The following PDE10A variants were observed in gnomAD, a reference collection of about 807,000 sequenced individuals.
PDE10A encodes the protein phosphodiesterase 10A.
Under a neutral mutation model 97.7 loss-of-function variants are expected in PDE10A, and 39 were observed. The ratio of observed to expected loss-of-function variants is 0.40; its 90% CI spans 0.31 to 0.52. The LOEUF (loss-of-function observed/expected upper bound fraction) is 0.52. Among genes scored for constraint, PDE10A ranks in the 20% least tolerant of loss-of-function variants. PDE10A has a pLI of 0.56. For missense variants in PDE10A, 731 were observed against 1,047.8 expected (o/e 0.70, Z 4.17); for synonymous variants, 371 against 376.8 (o/e 0.98, Z 0.18).
At chr6:165,649,300 C>G (rs917995869) in intron 1 of PDE10A, among the ~76,000 whole-genome samples, 11 of 152,144 alleles carry the variant, frequency 7.2e-5, no homozygotes, top group Admixed American at 1.3e-4. Context: ...ACAAAGAAAG[C>G]TGTCACCACT....
chr6:165,569,599 G>A (rs938649617), intron 1 of PDE10A, among the ~76,000 whole-genome samples: 16 of 152,030 alleles, frequency 1.1e-4, no homozygotes, highest in East Asian at 3.9e-4. Flanking sequence ...TCTTCCCTCC[G>A]TTCAAACTGC....
At chr6:165,627,886 C>T (rs540399009) in intron 1 of PDE10A, among the ~76,000 whole-genome samples, 1 of 152,180 alleles carries the variant, frequency 6.6e-6, no homozygotes, top group East Asian at 1.9e-4. Context: ...TTACCTATCA[C>T]CAAGTCCAAC....
intron 1 of PDE10A, among the ~76,000 whole-genome samples, chr6:165,822,808 A>C (rs1370996862): frequency 6.6e-6 from 1 of 152,110 alleles, no homozygotes; most frequent in Non-Finnish European, 1.5e-5. Flanking sequence ...AAGAAAAGCT[A>C]AACTTAGCTT....
At chr6:165,357,851 C>G (rs1783131994) in intron 18 of PDE10A, among the ~76,000 whole-genome samples, 1 of 151,968 alleles carries the variant, frequency 6.6e-6, no homozygotes, top group Non-Finnish European at 1.5e-5. Flanking sequence ...TTTTATTGCT[C>G]TCTTATCCAG....
intron 18 of PDE10A, among the ~76,000 whole-genome samples, chr6:165,373,882 C>G (rs911198389): frequency 5.3e-5 from 8 of 151,526 alleles, no homozygotes; most frequent in Non-Finnish European, 8.8e-5. Context: ...ACATATACAC[C>G]ATGGAATACT....
chr6:165,369,245 C>T lies in PDE10A; in HGVS notation c.2783+9949G>A, dbSNP rs559586539. The stretch of plus-strand genomic sequence containing the variant: ...CTGGATGGAGAATGACTTTGACGAG[C>T]TGAGAGCAGAAGGCTTCAGACGATC... On this transcript the variant is annotated intron_variant, in intron 18 of 21. Transcript: ENST00000539869. 6.9e-3 allele frequency among the ~76,000 whole-genome samples: 1,047 copies of T among 152,248 alleles called. 10 individuals are homozygous for T. The highest frequency in any genetic ancestry group is 0.024 in the African/African-American group (1,006 of 41,546).
intron 1 of PDE10A, among the ~76,000 whole-genome samples, chr6:165,633,472 C>T (rs1227904396): frequency 6.6e-6 from 1 of 152,118 alleles, no homozygotes; most frequent in African/African-American, 2.4e-5. Context: ...GTAAAACCCC[C>T]TCGGAAGGGA....
At chr6:165,896,018 G>T (rs996823934) in intron 1 of PDE10A, among the ~76,000 whole-genome samples, 5 of 152,172 alleles carry the variant, frequency 3.3e-5, no homozygotes, top group Non-Finnish European at 7.3e-5. Flanking sequence ...TCTCCCAGCT[G>T]AGCCTTGATA....
Position 165,329,487 on chromosome 6 carries a change from G to A in PDE10A, c.*3538C>T, listed in dbSNP as rs1781222444. ...CAGGCCAAGGCAGGTGAATAATTTA[G>A]TCCTATTAAAGCTCAAACCTTAATT... On this transcript the variant is annotated 3_prime_UTR_variant, in exon 22 of 22. Transcript: ENST00000539869. 6.6e-6 allele frequency: 1 copy of A among 152,186 alleles called. No individual in the cohort carries two copies. Among genetic ancestry groups the A allele is most frequent in the Non-Finnish European group, 1.5e-5 (1 of 68,028 alleles). The allele number at this position is 152,186 out of a possible 1,614,324, so 9.4% of individuals were successfully genotyped here.
chr6:165,888,829 A>T (rs1436442157), intron 1 of PDE10A, among the ~76,000 whole-genome samples: 1 of 152,212 alleles, frequency 6.6e-6, no homozygotes, highest in Non-Finnish European at 1.5e-5. Flanking sequence ...GGAATTCACT[A>T]GTTGAGTATT....
At chr6:165,485,510 A>G (rs1779861865) in intron 2 of PDE10A, among the ~76,000 whole-genome samples, 1 of 151,654 alleles carries the variant, frequency 6.6e-6, no homozygotes, top group African/African-American at 2.4e-5. Flanking sequence ...AGTTTTCAAA[A>G]AAATTAAAAA....
chr6:165,732,495 C>A (rs1318861854), intron 1 of PDE10A, among the ~76,000 whole-genome samples: 1 of 152,186 alleles, frequency 6.6e-6, no homozygotes, highest in Non-Finnish European at 1.5e-5. Flanking sequence ...CGCAGGTGGG[C>A]GACTCCACTG....
At chr6:165,951,375 T>G (rs1356315295) in intron 1 of PDE10A, among the ~76,000 whole-genome samples, 3 of 152,200 alleles carry the variant, frequency 2.0e-5, no homozygotes, top group Non-Finnish European at 4.4e-5. Context: ...AGCTTTGTTC[T>G]GCCCAACCTG....
At chr6:165,478,693 T>C (rs1779431722) in intron 3 of PDE10A, among the ~76,000 whole-genome samples, 1 of 152,186 alleles carries the variant, frequency 6.6e-6, no homozygotes, top group Non-Finnish European at 1.5e-5. Context: ...CCCTTTCCCT[T>C]TCCAGGTCTT....
At chr6:165,427,704 G>A (rs535269654) in intron 10 of PDE10A, among the ~76,000 whole-genome samples, 1 of 152,074 alleles carries the variant, frequency 6.6e-6, no homozygotes, top group East Asian at 1.9e-4. Context: ...CAAAGAACGA[G>A]CAGTAAGTGC....
At chr6:165,958,487 AGAGAGAAAG>A (rs1784212493) in intron 1 of PDE10A, among the ~76,000 whole-genome samples, 1 of 142,190 alleles carries the variant, frequency 7.0e-6, no homozygotes, top group Non-Finnish European at 1.5e-5. Context: ...AAAGAGAGAA[AGAGAGAAAG>A]ACAAGAAAGA....
intron 1 of PDE10A, among the ~76,000 whole-genome samples, chr6:165,645,594 C>T (rs1789353148): frequency 6.6e-6 from 1 of 152,158 alleles, no homozygotes; most frequent in African/African-American, 2.4e-5. Flanking sequence ...TGTCTCACGC[C>T]TGTAATCCCA....
chr6:165,723,234 A>G (rs983040753), intron 1 of PDE10A, among the ~76,000 whole-genome samples: 4 of 152,212 alleles, frequency 2.6e-5, no homozygotes, highest in Admixed American at 2.6e-4. Flanking sequence ...AGGCAAAGCC[A>G]TGGAAATCTC....
intron 1 of PDE10A, among the ~76,000 whole-genome samples, chr6:165,823,557 T>C (rs1779642779): frequency 7.0e-6 from 1 of 143,314 alleles, no homozygotes; most frequent in Non-Finnish European, 1.5e-5. Context: ...TATAGAAATA[T>C]ATGTATACTT....
Sources: allele counts gnomAD v4.1 joint callset (sites outside exome capture counted in the v4.1 genomes callset), GRCh38; gene constraint gnomAD v4.1.1; transcripts MANE v1.5; gene names NCBI Gene and HGNC (gene_info 2026-07-23, HGNC 2026-07-21).